The following DMXL2 variants were observed in gnomAD, a reference collection of about 807,000 sequenced individuals.
DMXL2 encodes the protein Dmx like 2, also known as dmX-like protein 2.
In DMXL2, 103 loss-of-function variants were observed where a neutral mutation model predicts 331.1. The ratio of observed to expected loss-of-function variants is 0.31; its 90% CI spans 0.27 to 0.37. DMXL2 has a LOEUF of 0.37. Ranked by LOEUF, DMXL2 falls within the 10% of genes least tolerant of loss-of-function variation. The probability of loss-of-function intolerance (pLI) is 1.00; values close to 1 mark genes in which losing one functional copy is unlikely to be tolerated. For missense variants in DMXL2, 3,171 were observed against 3,642.9 expected, an observed-to-expected ratio of 0.87 and a Z score of 3.33; for synonymous variants, 1,281 against 1,252.1, an observed-to-expected ratio of 1.02 and a Z score of -0.49.
intron 6 of DMXL2, among the ~76,000 whole-genome samples, chr15:51,559,777 T>A (rs936277024): frequency 2.0e-5 from 3 of 152,036 alleles, no homozygotes; most frequent in Non-Finnish European, 4.4e-5. Context: ...TCTACCAAAT[T>A]TACAAAAGTT....
At chr15:51,600,229 A>T (rs986428226) in intron 1 of DMXL2, among the ~76,000 whole-genome samples, 1 of 152,124 alleles carries the variant, frequency 6.6e-6, no homozygotes, top group Non-Finnish European at 1.5e-5. Context: ...CAGGTCCTCA[A>T]TGTGGTCAAT....
intron 23 of DMXL2, among the ~76,000 whole-genome samples, chr15:51,483,939 C>T (rs922375577): frequency 6.6e-6 from 1 of 152,276 alleles, no homozygotes; most frequent in South Asian, 2.1e-4. Flanking sequence ...AACAGAAACG[C>T]CCCCATGCCA....
chr15:51,460,841 T>C (rs2040048552), intron 33 of DMXL2, among the ~76,000 whole-genome samples: 1 of 152,204 alleles, frequency 6.6e-6, no homozygotes, highest in Non-Finnish European at 1.5e-5. Context: ...AAAACACCTT[T>C]TTTTTCAGAT....
Position 51,448,143 on chromosome 15 carries a change from T to G in DMXL2, c.*841A>C, listed in dbSNP as rs1474282620. On this transcript the variant is annotated 3_prime_UTR_variant, in exon 44 of 44. Coordinates refer to ENST00000560891, the MANE Select transcript of DMXL2 (RefSeq NM_001378457.1). ...TTAACTGGCCACAAGAAGCCTAACATTCATTTTAATTATGATATGAAATGC... is the reference window on the plus strand; with the variant it reads ...TTAACTGGCCACAAGAAGCCTAACAGTCATTTTAATTATGATATGAAATGC... The G allele has an allele frequency of 6.6e-6, 1 of 152,640 alleles. No individual in the cohort carries two copies. The highest frequency in any genetic ancestry group is 1.5e-5 in the Non-Finnish European group (1 of 68,022). The allele number at this position is 152,640 out of a possible 1,614,324, so 9.5% of individuals were successfully genotyped here. A position where few individuals can be genotyped will look rare whatever the true frequency, so the allele number is the denominator to read the frequency against.
rs966710578 is a variant in DMXL2, at chr15:51,503,016, C to T, written c.2782G>A (p.Ala928Thr). ...ACTGAAAGTAGACTCTCAGAGGAAG[C>T]CCCTTCTGAAGCTTTAGCTTTAAAA... Reference protein sequence around the residue: ...QACLAKASEGASSESLLSVPG... With the variant: ...QACLAKASEGTSSESLLSVPG... Residue 928 changes from alanine (A) to threonine (T), a missense_variant, in exon 17 of 44, where the codon GCT (alanine) becomes ACT (threonine). Ala to Thr is a moderately conservative substitution (Grantham distance 58). This residue lies in a region of DMXL2 where 1,674 missense variants were observed against 1,780.2 expected (regional missense o/e 0.94). Coordinates refer to ENST00000560891, the MANE Select transcript of DMXL2 (RefSeq NM_001378457.1). 4 of 1,612,014 alleles carry T rather than the reference C, an allele frequency of 2.5e-6. No homozygotes were observed. Among genetic ancestry groups the T allele is most frequent in the Non-Finnish European group, 3.4e-6 (4 of 1,178,566 alleles).
chr15:51,560,125 T>C (rs1188669554), intron 6 of DMXL2, among the ~76,000 whole-genome samples: 1 of 152,206 alleles, frequency 6.6e-6, no homozygotes, highest in East Asian at 1.9e-4. Flanking sequence ...GAGATTAAAA[T>C]TTTAAGATTT....
At chr15:51,549,269 G>GT (rs2049062153) in intron 6 of DMXL2, among the ~76,000 whole-genome samples, 1 of 151,956 alleles carries the variant, frequency 6.6e-6, no homozygotes, top group South Asian at 2.1e-4. Flanking sequence ...TTCCATCCAG[G>GT]TTGCTGCGAA....
intron 9 of DMXL2, 66 bp downstream of exon 9, chr15:51,542,267 G>A: frequency 6.9e-7 from 1 of 1,457,422 alleles, no homozygotes; most frequent in Non-Finnish European, 9.4e-7. Flanking sequence ...TATGAAAGTA[G>A]TTCCACTTTT....
At chr15:51,458,856 C>T in intron 34 of DMXL2, 61 bp from the exon 35 acceptor site, 1 of 1,354,276 alleles carries the variant, frequency 7.4e-7, no homozygotes, top group South Asian at 1.2e-5. Flanking sequence ...GAGTTATGCA[C>T]ATCCCATAAG....
intron 33 of DMXL2, among the ~76,000 whole-genome samples, chr15:51,461,162 T>TAG (rs1404232081): frequency 6.6e-6 from 1 of 152,242 alleles, no homozygotes; most frequent in African/African-American, 2.4e-5. Context: ...GATGCTTATA[T>TAG]AGCACTTTAA....
intron 13 of DMXL2, among the ~76,000 whole-genome samples, chr15:51,521,942 A>C (rs1836184002): frequency 6.6e-6 from 1 of 152,196 alleles, no homozygotes; most frequent in Non-Finnish European, 1.5e-5. Flanking sequence ...TCCTACTTTA[A>C]AAGCTTGTTT....
intron 28 of DMXL2, among the ~76,000 whole-genome samples, chr15:51,471,639 A>C (rs2041118573): frequency 1.3e-5 from 2 of 152,218 alleles, no homozygotes; most frequent in Non-Finnish European, 2.9e-5. Flanking sequence ...ATAAGGATTA[A>C]AGTAATTCTA....
Position 51,545,772 on chromosome 15 carries a change from A to G in DMXL2, c.747-6T>C. 1.3e-6 allele frequency: 2 copies of G among 1,599,972 alleles called. No homozygotes were observed. Among genetic ancestry groups the G allele is most frequent in the Non-Finnish European group, 8.5e-7 (1 of 1,171,334 alleles). ...ACACATTACAGACAGAACCCCTAACAACAAAGAGAAATAAATAAAGGTTAA... is the reference window on the plus strand; with the variant it reads ...ACACATTACAGACAGAACCCCTAACGACAAAGAGAAATAAATAAAGGTTAA... On this transcript the variant is annotated splice_polypyrimidine_tract_variant and splice_region_variant and intron_variant, in intron 7 of 43. Coordinates refer to ENST00000560891, the MANE Select transcript of DMXL2 (RefSeq NM_001378457.1).
intron 1 of DMXL2, among the ~76,000 whole-genome samples, chr15:51,605,377 T>A (rs1374470440): frequency 6.6e-6 from 1 of 151,962 alleles, no homozygotes; most frequent in Non-Finnish European, 1.5e-5. Flanking sequence ...ATTTTTGTAT[T>A]TTTAGTAGAG....
intron 1 of DMXL2, among the ~76,000 whole-genome samples, chr15:51,577,719 CATT>C (rs1299704049): frequency 6.6e-6 from 1 of 152,138 alleles, no homozygotes; most frequent in Non-Finnish European, 1.5e-5. Context: ...TGCCTTATAT[CATT>C]ATCTCAGCAA....
intron 6 of DMXL2, among the ~76,000 whole-genome samples, chr15:51,562,399 T>C (rs972853986): frequency 1.3e-5 from 2 of 152,164 alleles, no homozygotes; most frequent in Admixed American, 1.3e-4. Flanking sequence ...TATTGGGGGA[T>C]ATCTCCATCA....
chr15:51,485,737 G>C (rs540073536), intron 23 of DMXL2, among the ~76,000 whole-genome samples: 1 of 152,102 alleles, frequency 6.6e-6, no homozygotes, highest in South Asian at 2.1e-4. Flanking sequence ...AAGGAAAAAA[G>C]AAAATTTACC....
chr15:51,564,704 T>C (rs568174946), intron 4 of DMXL2, among the ~76,000 whole-genome samples: 1 of 152,272 alleles, frequency 6.6e-6, no homozygotes, highest in Non-Finnish European at 1.5e-5. Flanking sequence ...CTATTATCAT[T>C]AGAAATTCCT....
In DMXL2 at chr15:51,605,592, G is replaced by C. The variant is rs1403047413; in HGVS notation, c.87+16867C>G. ...CGCTCTGTCGCCCAGGCCGGACTGC[G>C]GACTGCAGTGGCGCAATCTCGGCTC... is the stretch of plus-strand genomic sequence containing the variant. On this transcript the variant is annotated intron_variant, in intron 1 of 43. Transcript: ENST00000560891. Among the ~76,000 whole-genome samples the C allele has an allele frequency of 3.0e-4, 11 of 36,258 alleles. 2 individuals are homozygous for C. In the South Asian group the frequency reaches 7.8e-3, roughly 26 times the overall value. The allele number at this position is 36,258 out of a possible 152,430, so 23.8% of individuals were successfully genotyped here. A position where few individuals can be genotyped will look rare whatever the true frequency, so the allele number is the denominator to read the frequency against.
Sources: allele counts gnomAD v4.1 joint callset (sites outside exome capture counted in the v4.1 genomes callset), GRCh38; gene constraint gnomAD v4.1.1; regional missense constraint gnomAD v4.1.1; transcripts MANE v1.5; gene names NCBI Gene and HGNC (gene_info 2026-07-23, HGNC 2026-07-21).